The following RBPJL variants were observed in gnomAD, a reference collection of about 807,000 sequenced individuals.
RBPJL encodes recombination signal binding protein for immunoglobulin kappa J region like, also known as recombining binding protein suppressor of hairless-like protein.
Under a neutral mutation model 57.6 loss-of-function variants are expected in RBPJL, and 50 were observed. That is an observed-to-expected ratio of 0.87 (90% confidence interval 0.69 to 1.10). The LOEUF is 1.10. Among genes scored for constraint, RBPJL ranks in the 50% least tolerant of loss-of-function variants. The pLI is 0.00. For missense variants in RBPJL, 684 were observed against 693.7 expected (o/e 0.99, Z 0.16); for synonymous variants, 303 against 294.4 (o/e 1.03, Z -0.30).
At chr20:45,309,966 G>C (rs1194097757) in intron 3 of RBPJL, among the ~76,000 whole-genome samples, 1 of 152,160 alleles carries the variant, frequency 6.6e-6, no homozygotes, top group Non-Finnish European at 1.5e-5. Context: ...TACTTACTGA[G>C]TGTTTGTCAT....
intron 2 of RBPJL, among the ~76,000 whole-genome samples, 168 bp from the exon 3 acceptor site, chr20:45,309,399 A>G (rs1987020351): frequency 6.6e-6 from 1 of 151,808 alleles, no homozygotes; most frequent in Non-Finnish European, 1.5e-5. Flanking sequence ...TCCTTACCTA[A>G]TGCTTCCTCT....
intron 2 of RBPJL, among the ~76,000 whole-genome samples, chr20:45,309,260 C>A (rs1463751558): frequency 6.6e-6 from 1 of 152,180 alleles, no homozygotes; most frequent in African/African-American, 2.4e-5. Flanking sequence ...GTCCCTATGG[C>A]CCTGGGCTCC....
Position 45,312,323 on chromosome 20 carries a change from A to G in RBPJL, c.547A>G (p.Thr183Ala). Residue 183 changes from threonine to alanine, a missense_variant, in exon 6 of 12, where the codon ACC (threonine) becomes GCC (alanine). Transcript: ENST00000343694. ...LVLRGGRELG[T>A]FHSRLIKVIS... Reference sequence around the variant, plus strand: ...GCTGCGCGGGGGCCGGGAGCTGGGTACCTTCCACAGCCGCCTTATCAAGGT... The same window carrying G: ...GCTGCGCGGGGGCCGGGAGCTGGGTGCCTTCCACAGCCGCCTTATCAAGGT... 2 of 1,613,814 alleles carry G rather than the reference A, an allele frequency of 1.2e-6. No homozygotes were observed. The highest frequency in any genetic ancestry group is 1.7e-6 in the Non-Finnish European group (2 of 1,179,962).
At chr20:45,313,396 AACCCTAACCCTATCCCCTC>A (rs913412070) in intron 6 of RBPJL, 53 bp from the exon 7 acceptor site, 1 of 1,315,434 alleles carries the variant, frequency 7.6e-7, no homozygotes, top group African/African-American at 1.5e-5. Context: ...CCCCAATCCT[AACCCTAACCCTATCCCCTC>A]ACCCTAACCC....
chr20:45,307,633 C>T (rs1009236604), intron 1 of RBPJL, among the ~76,000 whole-genome samples: 1 of 152,196 alleles, frequency 6.6e-6, no homozygotes, highest in Non-Finnish European at 1.5e-5. Flanking sequence ...TTGGTCTGAG[C>T]CAACTTCTCA....
chr20:45,311,608 T>C lies in RBPJL; in HGVS notation c.277T>C (p.Cys93Arg). ...NEKRFFCPPP[C>R]VYLSGPGWRV... ...CCGCAGGTTCTTCTGCCCCCCGCCCTGTGTCTACCTCTCGGGGCCTGGCTG... is the reference window on the plus strand; with the variant it reads ...CCGCAGGTTCTTCTGCCCCCCGCCCCGTGTCTACCTCTCGGGGCCTGGCTG... Residue 93 changes from cysteine (C) to arginine (R), a missense_variant, in exon 4 of 12, where the codon TGT becomes CGT. Cys to Arg is a radical substitution (Grantham distance 180). Coordinates refer to ENST00000343694, the MANE Select transcript of RBPJL (RefSeq NM_014276.4). The C allele has an allele frequency of 6.2e-7, 1 of 1,614,160 alleles. No homozygotes were observed. The highest frequency in any genetic ancestry group is 8.5e-7 in the Non-Finnish European group (1 of 1,180,012).
In RBPJL at chr20:45,314,141, C is replaced by T. The variant is rs138140496; in HGVS notation, c.864C>T (p.Pro288=). ...VCTVTGITLP[P]MIIRKVAKQC... ...CGGTCACCGGCATCACACTACCTCCCATGGTATAGGAAGGGAGGGCATGCC... is the reference window on the plus strand; with the variant it reads ...CGGTCACCGGCATCACACTACCTCCTATGGTATAGGAAGGGAGGGCATGCC... Residue 288 remains proline (P), a synonymous_variant, in exon 8 of 12, where the codon CCC becomes CCT. Transcript: ENST00000343694. 111 of 1,612,400 alleles carry T rather than the reference C, an allele frequency of 6.9e-5. No individual in the cohort carries two copies. The African/African-American group carries it at 1.4e-3, about 20-fold the overall frequency.
chr20:45,315,136 A>T (rs186158622), intron 9 of RBPJL, among the ~76,000 whole-genome samples: 124 of 152,326 alleles, frequency 8.1e-4, no homozygotes, highest in African/African-American at 2.5e-3. Flanking sequence ...GTAAATAAAA[A>T]TCATGATAGG....
rs1041870471 is a variant in RBPJL at position 45,316,715 on chromosome 20, C to G, written c.1310C>G (p.Pro437Arg). The G allele has an allele frequency of 7.5e-6, 12 of 1,610,718 alleles. No individual in the cohort carries two copies. The highest frequency in any genetic ancestry group is 1.0e-5 in the Non-Finnish European group (12 of 1,178,430). ...RSPRSLVCVV[P>R]DVAAFCSDWR... is the part of the protein sequence containing the mutation. ...CCGCGGTCCCTGGTGTGCGTGGTGC[C>G]GGACGTGGCGGCCTTCTGCAGCGAC... The change falls in exon 12 of 12, where the codon CCG (proline) becomes CGG (arginine). Residue 437 changes from proline (P) to arginine (R), a missense_variant. Coordinates refer to ENST00000343694, the MANE Select transcript of RBPJL (RefSeq NM_014276.4).
In RBPJL at chr20:45,315,303, A is replaced by G. The variant is rs116680976; in HGVS notation, c.1020+738A>G. Among the ~76,000 whole-genome samples the G allele has an allele frequency of 2.8e-3, 426 of 152,280 alleles. 2 individuals carry two copies. The highest frequency in any genetic ancestry group is 9.4e-3 in the African/African-American group (390 of 41,534). ...TAGAATGTTACGAGATAGAATTATA[A>G]TATGTGGAAAATAGCAAGTATTATT... On this transcript the variant is annotated intron_variant, in intron 9 of 11. Coordinates refer to ENST00000343694, the MANE Select transcript of RBPJL (RefSeq NM_014276.4).
intron 9 of RBPJL, 108 bp downstream of exon 9, chr20:45,314,673 C>T (rs1987368910): frequency 1.9e-6 from 2 of 1,041,622 alleles, no homozygotes; most frequent in South Asian, 3.0e-5. Context: ...CCTGAGCAGC[C>T]TCCCATGGAA....
Position 45,312,266 on chromosome 20 carries a change from A to T in RBPJL, c.490A>T (p.Arg164Trp). Residue 164 changes from arginine (R) to tryptophan (W), a missense_variant, in exon 6 of 12, where the codon AGG becomes TGG. Arg to Trp is a moderately radical substitution (Grantham distance 101). Transcript: ENST00000343694. ...KTLYISDADKRKHFRLVLRLV... is the reference protein window; with the variant it reads ...KTLYISDADKWKHFRLVLRLV... Reference sequence around the variant, plus strand: ...CCTGTACATCTCAGATGCAGACAAGAGGAAGCACTTTCGGCTGGTGCTGCG... The same window carrying T: ...CCTGTACATCTCAGATGCAGACAAGTGGAAGCACTTTCGGCTGGTGCTGCG... The T allele has an allele frequency of 6.2e-7, 1 of 1,614,232 alleles. No homozygotes were observed. Among genetic ancestry groups the T allele is most frequent in the Non-Finnish European group, 8.5e-7 (1 of 1,180,030 alleles).
At chr20:45,312,750 G>A (rs891920706) in intron 6 of RBPJL, among the ~76,000 whole-genome samples, 1 of 151,284 alleles carries the variant, frequency 6.6e-6, no homozygotes, top group African/African-American at 2.4e-5. Flanking sequence ...AACAATTTGG[G>A]AGGCCAAGGT....
chr20:45,313,722 A>G lies in RBPJL; in HGVS notation c.757+117A>G, dbSNP rs1045483121. The G allele has an allele frequency of 3.5e-6, 4 of 1,136,752 alleles. No homozygotes were observed. In the African/African-American group the frequency reaches 4.7e-5, roughly 13 times the overall value. The allele number at this position is 1,136,752 out of a possible 1,614,324, so 70.4% of individuals were successfully genotyped here. On this transcript the variant is annotated intron_variant, in intron 7 of 11. Coordinates refer to ENST00000343694, the MANE Select transcript of RBPJL (RefSeq NM_014276.4). ...CCCCATGTGATTAAGGCTCAGAAAC[A>G]CAAAAAGACTTGACTACAGTCCCAG... is the stretch of plus-strand genomic sequence containing the variant.
At chr20:45,312,692 G>C (rs1205842381) in intron 6 of RBPJL, among the ~76,000 whole-genome samples, 4 of 152,094 alleles carry the variant, frequency 2.6e-5, no homozygotes, top group Non-Finnish European at 1.5e-5. Flanking sequence ...ACTAGGGACA[G>C]ACTAAAAGTG....
Position 45,312,335 on chromosome 20 carries a change from C to A in RBPJL, c.559C>A (p.Arg187Ser), listed in dbSNP as rs574727643. The change falls in exon 6 of 12, where the codon CGC becomes AGC. Residue 187 changes from arginine to serine, a missense_variant. Transcript: ENST00000343694. The part of the protein sequence containing the change: ...GGRELGTFHS[R>S]LIKVISKPSQ... ...CCGGGAGCTGGGTACCTTCCACAGC[C>A]GCCTTATCAAGGTCATCTCGAAGCC... 7 of 1,614,180 alleles carry A rather than the reference C, an allele frequency of 4.3e-6. No homozygotes were observed. The South Asian group carries it at 7.7e-5, about 18-fold the overall frequency.
intron 2 of RBPJL, 134 bp from the exon 3 acceptor site, chr20:45,309,433 A>C: frequency 1.1e-6 from 1 of 884,216 alleles, no homozygotes; most frequent in Non-Finnish European, 1.6e-6. Context: ...GGGGCAGGAT[A>C]TAGAGCAGCC....
At chr20:45,310,870 C>T (rs778405001) in intron 3 of RBPJL, among the ~76,000 whole-genome samples, 12 of 152,180 alleles carry the variant, frequency 7.9e-5, no homozygotes, top group South Asian at 4.1e-4. Context: ...CCCAGCACTT[C>T]GGCAGACCCA....
rs1344992697 is a variant in RBPJL at position 45,316,574 on chromosome 20, T to G, written c.1274T>G (p.Met425Arg). 2 of 1,533,118 alleles carry G rather than the reference T, an allele frequency of 1.3e-6. No individual in the cohort carries two copies. The highest frequency in any genetic ancestry group is 2.5e-5 in the East Asian group (1 of 40,710). 95.0% of individuals were successfully genotyped at this position (1,533,118 alleles called of 1,614,324 possible). The stretch of plus-strand genomic sequence containing the variant: ...TTTGGGGACGTGGAGGCAGAAACCA[T>G]GTACAGGTACGGGGTGGTGAGGCAG... ...VWFGDVEAET[M>R]YRSPRSLVCV... Residue 425 changes from methionine to arginine, a missense_variant, in exon 11 of 12, where the codon ATG (methionine) becomes AGG (arginine). Physicochemically the swap from Met to Arg is moderately conservative, Grantham distance 91. Coordinates refer to ENST00000343694, the MANE Select transcript of RBPJL (RefSeq NM_014276.4).
Sources: gnomAD v4.1 joint callset for allele counts (sites outside exome capture counted in the v4.1 genomes callset) on GRCh38, gnomAD v4.1.1 for gene constraint, MANE v1.5 for transcripts, NCBI Gene and HGNC (gene_info 2026-07-23, HGNC 2026-07-21) for gene names.